Variants in SENP7 observed in about 807,000 individuals in gnomAD.
SENP7 encodes sentrin-specific protease 7.
In SENP7, 64 loss-of-function variants were observed where a neutral mutation model predicts 141.2. The observed-to-expected ratio is 0.45, with a 90% CI of 0.37 to 0.56. SENP7 has a LOEUF of 0.56. SENP7 is among the 20% of genes least tolerant of loss of function. The probability of loss-of-function intolerance (pLI) is 0.00; values close to 1 mark genes in which losing one functional copy is unlikely to be tolerated. For missense variants in SENP7, 1,025 were observed against 1,212.2 expected (o/e 0.85, Z 2.29); for synonymous variants, 382 against 426.4 (o/e 0.90, Z 1.28).
chr3:101,474,267 T>C (rs1239917648), intron 3 of SENP7, among the ~76,000 whole-genome samples: 1 of 152,242 alleles, frequency 6.6e-6, no homozygotes, highest in Non-Finnish European at 1.5e-5. Context: ...ATTAAATCTA[T>C]AAATTGCTTT....
chr3:101,418,196 A>C (rs1477083989), intron 4 of SENP7, among the ~76,000 whole-genome samples: 1 of 152,184 alleles, frequency 6.6e-6, no homozygotes, highest in African/African-American at 2.4e-5. Context: ...TATTAAAACT[A>C]AGGGTCCACT....
intron 6 of SENP7, among the ~76,000 whole-genome samples, chr3:101,379,574 A>G (rs1245928582): frequency 6.6e-6 from 1 of 152,200 alleles, no homozygotes; most frequent in Non-Finnish European, 1.5e-5. Context: ...AACAACACGA[A>G]AAGATGTTCA....
intron 15 of SENP7, 115 bp downstream of exon 15, chr3:101,341,531 T>A (rs755800227): frequency 7.5e-6 from 7 of 934,002 alleles, no homozygotes; most frequent in African/African-American, 1.7e-5. Flanking sequence ...TCCATTACTA[T>A]CAGCATGAAA....
intron 16 of SENP7, among the ~76,000 whole-genome samples, chr3:101,339,894 T>C (rs1158503642): frequency 1.3e-5 from 2 of 152,172 alleles, no homozygotes; most frequent in African/African-American, 4.8e-5. Context: ...TCTTCTTAAC[T>C]ATATAGCATC....
intron 17 of SENP7, among the ~76,000 whole-genome samples, chr3:101,336,037 T>G (rs751702395): frequency 2.1e-4 from 32 of 152,186 alleles, no homozygotes; most frequent in Non-Finnish European, 4.7e-4. Context: ...CAGCCTCCTA[T>G]TATTCTCACA....
intron 6 of SENP7, among the ~76,000 whole-genome samples, chr3:101,375,304 A>C (rs2060289605): frequency 6.6e-6 from 1 of 152,052 alleles, no homozygotes; most frequent in Non-Finnish European, 1.5e-5. Flanking sequence ...GCACTTTGGG[A>C]GGCTGAGGCG....
At chr3:101,440,580 T>TAAAA (rs2062627284) in intron 4 of SENP7, among the ~76,000 whole-genome samples, 2 of 105,936 alleles carry the variant, frequency 1.9e-5, no homozygotes, top group African/African-American at 1.0e-4. Context: ...AAAAAATAAA[T>TAAAA]TAAAAAAAAA....
At chr3:101,377,179 A>G (rs956426271) in intron 6 of SENP7, among the ~76,000 whole-genome samples, 46 of 152,198 alleles carry the variant, frequency 3.0e-4, no homozygotes, top group Non-Finnish European at 1.3e-4. Flanking sequence ...TGCAATACAC[A>G]GGAGTTCCCA....
chr3:101,416,511 G>A (rs1456793198), intron 5 of SENP7, among the ~76,000 whole-genome samples: 1 of 152,278 alleles, frequency 6.6e-6, no homozygotes, highest in African/African-American at 2.4e-5. Context: ...AGATTAACCT[G>A]TACTGGGGAA....
Position 101,372,055 on chromosome 3 carries a change from C to A in SENP7, c.749G>T (p.Arg250Ile). Residue 250 changes from arginine (R) to isoleucine (I), a missense_variant, in exon 7 of 24, where the codon AGA becomes ATA. Physicochemically the swap from Arg to Ile is moderately conservative, Grantham distance 97. Around this residue, in one of 4 missense-constraint regions of SENP7, gnomAD observed 496 missense variants for 503.5 expected, o/e 0.99. Coordinates refer to ENST00000394095, the MANE Select transcript of SENP7 (RefSeq NM_020654.5). The part of the protein sequence containing the change: ...KQTAHNKEKR[R>I]KDDGISLLIS... ...TAAAAGAGAAATGCCATCATCCTTT[C>A]TTCGTTTTTCTTTATTGTGCGCAGT... 1 of 1,567,138 alleles carries A rather than the reference C, an allele frequency of 6.4e-7. No homozygotes were observed.
intron 12 of SENP7, among the ~76,000 whole-genome samples, chr3:101,351,067 T>G (rs1477476398): frequency 6.6e-6 from 1 of 151,966 alleles, no homozygotes; most frequent in Non-Finnish European, 1.5e-5. Flanking sequence ...TTTTCTTCCT[T>G]GTTCTTTTTA....
At chr3:101,486,070 A>C (rs2064714845) in intron 3 of SENP7, among the ~76,000 whole-genome samples, 1 of 152,192 alleles carries the variant, frequency 6.6e-6, no homozygotes, top group Non-Finnish European at 1.5e-5. Flanking sequence ...AAGACAAAAG[A>C]ACAAGAAAAT....
At position 101,345,949 on chromosome 3, in the gene SENP7, G is replaced by A. The variant is rs146290457; in HGVS notation, c.1837+1923C>T. 6.3e-3 allele frequency among the ~76,000 whole-genome samples: 965 copies of A among 152,212 alleles called. 4 individuals carry two copies. Among genetic ancestry groups the A allele is most frequent in the African/African-American group, 0.022 (925 of 41,520 alleles). On this transcript the variant is annotated intron_variant, in intron 13 of 23. Coordinates refer to ENST00000394095, the MANE Select transcript of SENP7 (RefSeq NM_020654.5). ...TAATTAAACTAAAGAGCTTTTGCAT[G>A]GCAAAAAGAACAGTCAGCAGAGTAA...
intron 4 of SENP7, among the ~76,000 whole-genome samples, chr3:101,441,977 T>C (rs974016109): frequency 1.3e-5 from 2 of 152,146 alleles, no homozygotes; most frequent in African/African-American, 2.4e-5. Flanking sequence ...ATGGAGACTA[T>C]ACCACTGCAT....
At chr3:101,428,109 G>T (rs938412556) in intron 4 of SENP7, among the ~76,000 whole-genome samples, 4 of 152,136 alleles carry the variant, frequency 2.6e-5, no homozygotes, top group Non-Finnish European at 4.4e-5. Flanking sequence ...ATGGGCATTC[G>T]GGTTGGTTCC....
chr3:101,483,842 T>C (rs575519751), intron 3 of SENP7, among the ~76,000 whole-genome samples: 3 of 152,008 alleles, frequency 2.0e-5, no homozygotes, highest in Non-Finnish European at 4.4e-5. Context: ...GCCAACATGG[T>C]GAAACCTCAC....
intron 19 of SENP7, among the ~76,000 whole-genome samples, chr3:101,330,620 C>T (rs1395570159): frequency 6.6e-6 from 1 of 152,084 alleles, no homozygotes; most frequent in Non-Finnish European, 1.5e-5. Context: ...ATTGGAAATA[C>T]CAGTTAGCTA....
At chr3:101,429,855 A>G (rs1247982396) in intron 4 of SENP7, among the ~76,000 whole-genome samples, 1 of 152,174 alleles carries the variant, frequency 6.6e-6, no homozygotes, top group Non-Finnish European at 1.5e-5. Flanking sequence ...TTATTTTGAG[A>G]TATGTTCCAT....
chr3:101,452,144 A>T (rs1212191102), intron 4 of SENP7, among the ~76,000 whole-genome samples: 2 of 151,878 alleles, frequency 1.3e-5, no homozygotes, highest in African/African-American at 4.8e-5. Flanking sequence ...ATACCTAGGA[A>T]TCCAACTTAC....
Sources: gnomAD v4.1 joint callset for allele counts (sites outside exome capture counted in the v4.1 genomes callset) on GRCh38, gnomAD v4.1.1 for gene constraint, gnomAD v4.1.1 regional missense constraint, MANE v1.5 for transcripts, NCBI Gene and HGNC (gene_info 2026-07-23, HGNC 2026-07-21) for gene names.